Variants in ZNF714 observed in about 807,000 individuals in gnomAD.
ZNF714 encodes the protein zinc finger protein 714.
In ZNF714, 32 loss-of-function variants were observed where a neutral mutation model predicts 46.2. The ratio of observed to expected loss-of-function variants is 0.69; its 90% CI spans 0.52 to 0.93. The LOEUF (loss-of-function observed/expected upper bound fraction) is 0.93, where lower values mean the gene tolerates loss of function less well. Among genes scored for constraint, ZNF714 ranks in the 40% least tolerant of loss-of-function variants. ZNF714 has a pLI of 0.00. For synonymous variants in ZNF714, 199 were observed against 213.1 expected (o/e 0.93, Z 0.58); for missense variants, 635 against 646.3 (o/e 0.98, Z 0.19).
At position 21,124,910 on chromosome 19, in the gene ZNF714, T is replaced by C. The variant is rs2115493; in HGVS notation, c.*6578T>C. On this transcript the variant is annotated 3_prime_UTR_variant, in exon 5 of 5. Coordinates refer to ENST00000456283, the MANE Select transcript of ZNF714 (RefSeq NM_182515.4). ...TAATATAATGTCCTCCAGCTTAATCTATGTAATTTAAAATAATATAATTTT... is the reference window on the plus strand; with the variant it reads ...TAATATAATGTCCTCCAGCTTAATCCATGTAATTTAAAATAATATAATTTT... 0.82 allele frequency: 122,859 copies of C among 150,176 alleles called. 52,246 individuals carry two copies. Among genetic ancestry groups the C allele is most frequent in the Middle Eastern group, 0.93 (272 of 292 alleles). The allele number at this position is 150,176 out of a possible 1,614,324, so 9.3% of individuals were successfully genotyped here.
Position 21,119,167 on chromosome 19 carries a change from G to T in ZNF714, c.*835G>T, listed in dbSNP as rs183675865. 3 of 438,640 alleles carry T rather than the reference G, an allele frequency of 6.8e-6. No homozygotes were observed. Among genetic ancestry groups the T allele is most frequent in the South Asian group, 4.8e-5 (3 of 62,142 alleles). The allele number at this position is 438,640 out of a possible 1,614,324, so 27.2% of individuals were successfully genotyped here. On this transcript the variant is annotated 3_prime_UTR_variant, in exon 5 of 5. Transcript: ENST00000456283. ...GGCCTATAATCCCAGCACTTTGGTA[G>T]GCCAAGGCAGGTGGATCATGAGGTC... is the stretch of plus-strand genomic sequence containing the variant.
chr19:21,083,299 G>C (rs975798180), intron 1 of ZNF714, among the ~76,000 whole-genome samples: 9 of 152,166 alleles, frequency 5.9e-5, no homozygotes, highest in Admixed American at 5.9e-4. Context: ...CCTCCCCAAA[G>C]TGCTGGGATT....
At chr19:21,108,664 C>T (rs897070702) in intron 4 of ZNF714, among the ~76,000 whole-genome samples, 21 of 152,216 alleles carry the variant, frequency 1.4e-4, no homozygotes, top group Non-Finnish European at 1.5e-5. Context: ...GATGCTGTTA[C>T]ACCCTTCTTG....
At chr19:21,107,316 C>T (rs1044757911) in intron 4 of ZNF714, among the ~76,000 whole-genome samples, 5 of 151,892 alleles carry the variant, frequency 3.3e-5, no homozygotes, top group Non-Finnish European at 4.4e-5. Flanking sequence ...CTTGGCTTAC[C>T]GCAACCTCCG....
intron 4 of ZNF714, among the ~76,000 whole-genome samples, chr19:21,101,695 A>G (rs10412509): frequency 0.69 from 104,427 of 152,004 alleles, 37,047 homozygotes; most frequent in Middle Eastern, 0.86. Flanking sequence ...GCCTGTCTGC[A>G]TGGCTGCAAA....
rs1342813692 is a variant in ZNF714 at position 21,118,976 on chromosome 19, A to G, written c.*644A>G. 2.1e-5 allele frequency: 7 copies of G among 327,288 alleles called. No homozygotes were observed. The highest frequency in any genetic ancestry group is 6.0e-6 in the Non-Finnish European group (1 of 167,548). 20.3% of individuals were successfully genotyped at this position (327,288 alleles called of 1,614,324 possible). On this transcript the variant is annotated 3_prime_UTR_variant, in exon 5 of 5. Coordinates refer to ENST00000456283, the MANE Select transcript of ZNF714 (RefSeq NM_182515.4). The stretch of plus-strand genomic sequence containing the variant: ...CTCACACCTTATTGCACAGGAAAGC[A>G]TTTGTACTTGAGATAAATTATACAA...
intron 4 of ZNF714, among the ~76,000 whole-genome samples, chr19:21,102,297 G>A (rs1299999498): frequency 1.3e-5 from 2 of 152,088 alleles, no homozygotes; most frequent in Non-Finnish European, 2.9e-5. Flanking sequence ...TACATGTTAT[G>A]CCTGAAATAA....
chr19:21,082,548 CT>C (rs892402093), intron 1 of ZNF714, among the ~76,000 whole-genome samples, 200 bp downstream of exon 1: 1 of 152,104 alleles, frequency 6.6e-6, no homozygotes, highest in Non-Finnish European at 1.5e-5. Context: ...GGCGTCCTGT[CT>C]TTTCCCTGCG....
chr19:21,113,281 G>C (rs1599552309), intron 4 of ZNF714: 1 of 152,070 alleles, frequency 6.6e-6, no homozygotes, highest in Non-Finnish European at 1.5e-5. Flanking sequence ...AAGTCATTCA[G>C]TAGCAGGTTG....
intron 4 of ZNF714, among the ~76,000 whole-genome samples, chr19:21,108,633 C>T (rs1391067751): frequency 6.6e-6 from 1 of 152,162 alleles, no homozygotes. Flanking sequence ...TGTAAGTTTC[C>T]TGAGACCCTC....
intron 1 of ZNF714, among the ~76,000 whole-genome samples, chr19:21,082,743 C>T (rs547925603): frequency 6.6e-6 from 1 of 152,166 alleles, no homozygotes; most frequent in South Asian, 2.1e-4. Context: ...ATGGGAGTCA[C>T]CGTTAAAACA....
At position 21,117,913 on chromosome 19, in the gene ZNF714, A is replaced by G. The variant is rs1372396233; in HGVS notation, c.1249A>G (p.Ile417Val). The G allele has an allele frequency of 6.2e-7, 1 of 1,613,126 alleles. No individual in the cohort carries two copies. The highest frequency in any genetic ancestry group is 1.3e-5 in the African/African-American group (1 of 75,052). ...ATCCTCAAACCTTACCAAACATAAG[A>G]TAATTCATACTGGAGAGAAACTCTA... is the stretch of plus-strand genomic sequence containing the variant. The part of the protein sequence containing the change: ...NQSSNLTKHK[I>V]IHTGEKLYKC... The change falls in exon 5 of 5, where the codon ATA becomes GTA. Residue 417 changes from isoleucine to valine, a missense_variant. By Grantham distance (29) the Ile-to-Val change is conservative. Transcript: ENST00000456283.
intron 4 of ZNF714, among the ~76,000 whole-genome samples, chr19:21,110,102 A>G (rs942523501): frequency 1.3e-5 from 2 of 152,208 alleles, no homozygotes. Context: ...TTCCTTTGGT[A>G]TATACCCAGT....
At chr19:21,116,749 A>T (rs759782107) in intron 4 of ZNF714, 58 bp from the exon 5 acceptor site, 102 of 1,511,816 alleles carry the variant, frequency 6.7e-5, no homozygotes, top group Non-Finnish European at 8.8e-5. Context: ...TTAGATTTGT[A>T]AAGTATGTTT....
chr19:21,082,393 G>T (rs545274659), intron 1 of ZNF714, 45 bp downstream of exon 1: 1 of 1,445,488 alleles, frequency 6.9e-7, no homozygotes, highest in East Asian at 3.4e-5. Flanking sequence ...GAAGGGGCGG[G>T]TTGTAAGCGG....
At chr19:21,094,672 G>A (rs762024235) in intron 2 of ZNF714, among the ~76,000 whole-genome samples, 1 of 152,132 alleles carries the variant, frequency 6.6e-6, no homozygotes, top group Non-Finnish European at 1.5e-5. Flanking sequence ...AACTACAGAT[G>A]TGTGCCACCA....
At chr19:21,094,779 G>A (rs1968998690) in intron 2 of ZNF714, among the ~76,000 whole-genome samples, 1 of 151,924 alleles carries the variant, frequency 6.6e-6, no homozygotes, top group Admixed American at 6.6e-5. Context: ...TGCCTGCCTT[G>A]ACCTCCCAAA....
At chr19:21,112,771 T>C (rs1022034072) in intron 4 of ZNF714, among the ~76,000 whole-genome samples, 3 of 151,060 alleles carry the variant, frequency 2.0e-5, no homozygotes, top group African/African-American at 7.2e-5. Flanking sequence ...TTCTGGTACA[T>C]TGTCTCTTCA....
intron 3 of ZNF714, 83 bp from the exon 4 acceptor site, chr19:21,098,729 A>G: frequency 8.5e-6 from 7 of 823,128 alleles, no homozygotes; most frequent in South Asian, 4.9e-5. Context: ...AAAATATTCT[A>G]TTATATCCTT....
Sources: gnomAD v4.1 joint callset for allele counts (sites outside exome capture counted in the v4.1 genomes callset) on GRCh38, gnomAD v4.1.1 for gene constraint, MANE v1.5 for transcripts, NCBI Gene and HGNC (gene_info 2026-07-23, HGNC 2026-07-21) for gene names.